The following CPE variants were observed in gnomAD, a reference collection of about 807,000 sequenced individuals.
CPE encodes the protein carboxypeptidase E.
Under a neutral mutation model 53.5 loss-of-function variants are expected in CPE, and 17 were observed. The ratio of observed to expected loss-of-function variants is 0.32; its 90% confidence interval spans 0.22 to 0.48. The LOEUF is 0.48. Ranked by LOEUF, CPE falls within the 20% of genes least tolerant of loss-of-function variation. The pLI is 0.99. For synonymous variants in CPE, 226 were observed against 228.8 expected (o/e 0.99, Z 0.11); for missense variants, 524 against 614.7 (o/e 0.85, Z 1.56).
At position 165,459,395 on chromosome 4, in the gene CPE, G is replaced by A. The variant is rs148261399; in HGVS notation, c.308-4995G>A. 6.4e-3 allele frequency among the ~76,000 whole-genome samples: 982 copies of A among 152,266 alleles called. 16 individuals are homozygous for A. Among genetic ancestry groups the A allele is most frequent in the African/African-American group, 0.023 (956 of 41,546 alleles). The stretch of plus-strand genomic sequence containing the variant: ...AAAAGATAGAAACTGGGCCCAGCCA[G>A]GCTGGATTTGGTTTGTGAGAAGATC... On this transcript the variant is annotated intron_variant, in intron 1 of 8. Coordinates refer to ENST00000402744, the MANE Select transcript of CPE (RefSeq NM_001873.4).
chr4:165,494,752 G>A (rs191368921), intron 7 of CPE, among the ~76,000 whole-genome samples: 238 of 152,284 alleles, frequency 1.6e-3, no homozygotes, highest in African/African-American at 5.4e-3. Context: ...GCAAGGAGAT[G>A]TAGATTTAGA....
intron 1 of CPE, among the ~76,000 whole-genome samples, chr4:165,422,846 G>A (rs565610755): frequency 2.7e-4 from 41 of 151,860 alleles, no homozygotes; most frequent in Admixed American, 1.3e-3. Flanking sequence ...GTGTGGTGGC[G>A]GGCACCTGTA....
At chr4:165,480,505 T>G (rs201408580) in intron 3 of CPE, among the ~76,000 whole-genome samples, 2 of 152,110 alleles carry the variant, frequency 1.3e-5, no homozygotes, top group Admixed American at 1.3e-4. Flanking sequence ...GTAGTGGCTG[T>G]GTAGCCGGCC....
At chr4:165,424,081 A>G (rs1465388430) in intron 1 of CPE, among the ~76,000 whole-genome samples, 2 of 151,056 alleles carry the variant, frequency 1.3e-5, no homozygotes, top group Admixed American at 6.6e-5. Flanking sequence ...ATTATTGCCT[A>G]CTTAGACTTC....
chr4:165,422,285 C>T (rs1296708840), intron 1 of CPE, among the ~76,000 whole-genome samples: 2 of 136,486 alleles, frequency 1.5e-5, no homozygotes, highest in African/African-American at 2.7e-5. Context: ...TTACTCAATT[C>T]ATCGTTGTTC....
intron 3 of CPE, among the ~76,000 whole-genome samples, chr4:165,477,337 GTAAAT>G (rs1732322772): frequency 1.3e-5 from 2 of 152,100 alleles, no homozygotes; most frequent in Admixed American, 1.3e-4. Context: ...TTTCATAAAG[GTAAAT>G]TAAAGAAAAA....
intron 2 of CPE, 34 bp from the exon 3 acceptor site, chr4:165,467,654 T>C: frequency 6.4e-7 from 1 of 1,563,504 alleles, no homozygotes; most frequent in East Asian, 2.3e-5. Flanking sequence ...AATAAGCAAC[T>C]AATGATTTTT....
intron 3 of CPE, among the ~76,000 whole-genome samples, chr4:165,476,614 T>C (rs980232613): frequency 2.0e-5 from 3 of 152,146 alleles, no homozygotes; most frequent in Non-Finnish European, 4.4e-5. Context: ...TGGCGCCTGC[T>C]GCAACCAATT....
chr4:165,398,687 A>AT (rs1369033097), intron 1 of CPE, among the ~76,000 whole-genome samples: 2 of 152,098 alleles, frequency 1.3e-5, no homozygotes, highest in Non-Finnish European at 1.5e-5. Flanking sequence ...AAAATCCAAT[A>AT]TTTTTTCTGA....
intron 3 of CPE, among the ~76,000 whole-genome samples, chr4:165,468,305 G>A (rs1009878855): frequency 1.3e-5 from 2 of 151,940 alleles, no homozygotes; most frequent in Non-Finnish European, 1.5e-5. Context: ...CATAAATGCT[G>A]GCCATTTTCA....
intron 1 of CPE, chr4:165,405,250 C>G (rs553156890): frequency 2.3e-6 from 2 of 866,756 alleles, no homozygotes; most frequent in Non-Finnish European, 4.0e-6. Flanking sequence ...CTGCTCCCAT[C>G]ATCCCTGCAC....
At chr4:165,411,530 GCTT>G (rs148309468) in intron 1 of CPE, among the ~76,000 whole-genome samples, 1,655 of 152,274 alleles carry the variant, frequency 0.011, 29 homozygotes, top group East Asian at 0.099. Flanking sequence ...ATCAATGAAT[GCTT>G]CTTCTCCTTT....
Position 165,405,541 on chromosome 4 carries a change from T to C in CPE, c.307+26013T>C. The C allele has an allele frequency of 4.2e-6, 4 of 949,386 alleles. No homozygotes were observed. In the Admixed American group the frequency reaches 6.9e-5, roughly 16 times the overall value. The allele number at this position is 949,386 out of a possible 1,614,324, so 58.8% of individuals were successfully genotyped here. A position where few individuals can be genotyped will look rare whatever the true frequency, so the allele number is the denominator to read the frequency against. ...TTTTGTAAATCTGTTGCCTGACAAA[T>C]GGAATAGTCATGGCATACGCTGTTA... On this transcript the variant is annotated intron_variant, in intron 1 of 8. Transcript: ENST00000402744.
At chr4:165,471,832 G>A (rs1302943985) in intron 3 of CPE, among the ~76,000 whole-genome samples, 2 of 152,176 alleles carry the variant, frequency 1.3e-5, no homozygotes, top group Non-Finnish European at 2.9e-5. Context: ...GGCTCTATAA[G>A]TCAAATTTGA....
chr4:165,393,168 A>G (rs1462590553), intron 1 of CPE, among the ~76,000 whole-genome samples: 1 of 152,252 alleles, frequency 6.6e-6, no homozygotes, highest in South Asian at 2.1e-4. Context: ...ACTCACAAAA[A>G]TAAGAACAAG....
intron 1 of CPE, among the ~76,000 whole-genome samples, chr4:165,384,148 C>T (rs1023029625): frequency 3.3e-5 from 5 of 152,136 alleles, no homozygotes; most frequent in South Asian, 2.1e-4. Flanking sequence ...GCTCTTGTAA[C>T]GGGTGACACA....
At chr4:165,424,520 A>G (rs996088777) in intron 1 of CPE, among the ~76,000 whole-genome samples, 3 of 150,458 alleles carry the variant, frequency 2.0e-5, no homozygotes, top group Non-Finnish European at 4.4e-5. Flanking sequence ...TTAAATTTTT[A>G]TTTATTTGTA....
intron 8 of CPE, among the ~76,000 whole-genome samples, chr4:165,496,212 G>C (rs946092086): frequency 1.3e-5 from 2 of 152,140 alleles, no homozygotes; most frequent in Non-Finnish European, 2.9e-5. Context: ...TACTACCTTT[G>C]TATTATATGC....
chr4:165,470,518 C>T (rs992614662), intron 3 of CPE, among the ~76,000 whole-genome samples: 7 of 152,168 alleles, frequency 4.6e-5, no homozygotes, highest in African/African-American at 1.7e-4. Flanking sequence ...CAACTCCTGC[C>T]GTCTTATCAG....
Sources: gnomAD v4.1 joint callset for allele counts (sites outside exome capture counted in the v4.1 genomes callset) on GRCh38, gnomAD v4.1.1 for gene constraint, MANE v1.5 for transcripts, NCBI Gene and HGNC (gene_info 2026-07-23, HGNC 2026-07-21) for gene names.